SLC28A2: variants seen among roughly 807,000 people sequenced by gnomAD.
SLC28A2 encodes the protein solute carrier family 28 member 2.
A neutral mutation model predicts 72.9 loss-of-function variants in SLC28A2; 69 were observed. That is an observed-to-expected ratio of 0.95 (90% confidence interval 0.78 to 1.16). The LOEUF (loss-of-function observed/expected upper bound fraction) is 1.16. Ranked by LOEUF, SLC28A2 falls within the 50% of genes most tolerant of loss-of-function variation. The probability of loss-of-function intolerance (pLI) is 0.00; values close to 1 mark genes in which losing one functional copy is unlikely to be tolerated. For synonymous variants in SLC28A2, 296 were observed against 294.1 expected (o/e 1.01, Z -0.07); for missense variants, 745 against 791.1 (o/e 0.94, Z 0.70).
rs764966947 is a variant in SLC28A2 at position 45,269,442 on chromosome 15, T to C, written c.1473T>C (p.Asn491=). The C allele has an allele frequency of 2.6e-5, 42 of 1,614,142 alleles. No homozygotes were observed. In the East Asian group the frequency reaches 9.4e-4, roughly 36 times the overall value. Residue 491 remains asparagine, a synonymous_variant, in exon 14 of 18, where the codon AAT becomes AAC. Transcript: ENST00000347644. The part of the protein sequence containing the change: ...AEMVGIKFFI[N]EFVAYQQLSQ... ...TGGTGGGAATCAAGTTCTTCATAAATGAGTTTGTGGCTTATCAGCAACTGT... is the reference window on the plus strand; with the variant it reads ...TGGTGGGAATCAAGTTCTTCATAAACGAGTTTGTGGCTTATCAGCAACTGT...
intron 8 of SLC28A2, 58 bp from the exon 9 acceptor site, chr15:45,265,525 C>G: frequency 1.7e-6 from 2 of 1,211,926 alleles, no homozygotes; most frequent in South Asian, 1.2e-5. Flanking sequence ...AACTTAGAAG[C>G]CTAAAACACA....
rs1900176986 is a variant in SLC28A2 at position 45,262,017 on chromosome 15, G to A, written c.173G>A (p.Arg58Lys). The change falls in exon 4 of 18, where the codon AGG becomes AAG. Residue 58 changes from arginine (R) to lysine (K), a missense_variant and splice_region_variant. Coordinates refer to ENST00000347644, the MANE Select transcript of SLC28A2 (RefSeq NM_004212.4). ...DGLGPSTYQRRSRWPFSKARS... is the reference protein window; with the variant it reads ...DGLGPSTYQRKSRWPFSKARS... Reference sequence around the variant, plus strand: ...CTTAACTTTTGGGTTCTTATTAGGAGGAGTCGGTGGCCTTTCAGCAAAGCA... The same window carrying A: ...CTTAACTTTTGGGTTCTTATTAGGAAGAGTCGGTGGCCTTTCAGCAAAGCA... 3.7e-6 allele frequency: 6 copies of A among 1,608,610 alleles called. No homozygotes were observed. The highest frequency in any genetic ancestry group is 5.1e-6 in the Non-Finnish European group (6 of 1,175,170).
In SLC28A2 at chr15:45,272,404, C is replaced by T. The variant is rs926510230; in HGVS notation, c.1747+11C>T. 1 of 1,597,504 alleles carries T rather than the reference C, an allele frequency of 6.3e-7. No homozygotes were observed. The highest frequency in any genetic ancestry group is 8.6e-7 in the Non-Finnish European group (1 of 1,165,484). On this transcript the variant is annotated intron_variant, in intron 16 of 17. Transcript: ENST00000347644. ...GTGCCTGTATGGCAGGTAGGTGCCT[C>T]AGCTCTGATGGAGATACTGCTGCAT...
Position 45,264,775 on chromosome 15 carries a change from G to A in SLC28A2, c.702+7G>A, listed in dbSNP as rs769208049. On this transcript the variant is annotated splice_region_variant and intron_variant, in intron 7 of 17. Transcript: ENST00000347644. ...GCTGGGAGAGCAGGTCCAGGTATGA[G>A]AAATTAAATGCGAGGGCTTTTCTCT... is the stretch of plus-strand genomic sequence containing the variant. 6.5e-7 allele frequency: 1 copy of A among 1,535,460 alleles called. No homozygotes were observed. Among genetic ancestry groups the A allele is most frequent in the South Asian group, 1.1e-5 (1 of 89,364 alleles).
chr15:45,261,308 C>T (rs1595673992), intron 3 of SLC28A2, among the ~76,000 whole-genome samples: 1 of 151,246 alleles, frequency 6.6e-6, no homozygotes, highest in Non-Finnish European at 1.5e-5. Context: ...TGTGTTCGCT[C>T]CTTACAGCCT....
chr15:45,267,582 T>C lies in SLC28A2; in HGVS notation c.1068+2T>C, dbSNP rs779900798. 17 of 1,613,960 alleles carry C rather than the reference T, an allele frequency of 1.1e-5. No homozygotes were observed. Among genetic ancestry groups the C allele is most frequent in the Non-Finnish European group, 1.4e-5 (16 of 1,180,030 alleles). On this transcript the variant is annotated splice_donor_variant, in intron 11 of 17. Transcript: ENST00000347644. LOFTEE classifies it high-confidence loss of function. Reference sequence around the variant, plus strand: ...CTGGGAGCCTTCATAGCCTTTGGGGTAGGCATAGTCTGCTTGATCACTCCT... The same window carrying C: ...CTGGGAGCCTTCATAGCCTTTGGGGCAGGCATAGTCTGCTTGATCACTCCT...
intron 17 of SLC28A2, among the ~76,000 whole-genome samples, chr15:45,274,499 GCAAA>G (rs56258028): frequency 0.091 from 13,876 of 151,858 alleles, 719 homozygotes; most frequent in Middle Eastern, 0.24. Context: ...GTGACAGGGT[GCAAA>G]CAAACAAACA....
Position 45,269,390 on chromosome 15 carries a change from G to A in SLC28A2, c.1421G>A (p.Trp474Ter), listed in dbSNP as rs1900467901. 1 of 1,613,942 alleles carries A rather than the reference G, an allele frequency of 6.2e-7. No individual in the cohort carries two copies. Among genetic ancestry groups the A allele is most frequent in the Non-Finnish European group, 8.5e-7 (1 of 1,179,930 alleles). Residue 474 changes from tryptophan to a stop codon, truncating the protein, a stop_gained, in exon 14 of 18, where the codon TGG (tryptophan) becomes TAG (stop). Transcript: ENST00000347644. LOFTEE classifies it high-confidence loss of function. ...RPMVFMMGVE[W>*]TDCPMVAEMV... Reference sequence around the variant, plus strand: ...ATGGTTTTCATGATGGGTGTAGAGTGGACAGACTGTCCAATGGTGGCTGAG... The same window carrying A: ...ATGGTTTTCATGATGGGTGTAGAGTAGACAGACTGTCCAATGGTGGCTGAG...
rs373708530 is a variant in SLC28A2, at chr15:45,265,635, T to C, written c.833T>C (p.Leu278Pro). ...TGTGTGGTGTCCATTCTCTACTACC[T>C]GGGCCTTGTGCAATGGGTAGTTCAG... ...FGCVVSILYY[L>P]GLVQWVVQKV... The change falls in exon 9 of 18, where the codon CTG (leucine) becomes CCG (proline). Residue 278 changes from leucine to proline, a missense_variant. Physicochemically the swap from Leu to Pro is moderately conservative, Grantham distance 98. Transcript: ENST00000347644. 1.4e-5 allele frequency: 22 copies of C among 1,613,082 alleles called. No individual in the cohort carries two copies. In the African/African-American group the frequency reaches 1.9e-4, roughly 14 times the overall value.
chr15:45,263,738 T>C, intron 5 of SLC28A2, 143 bp from the exon 6 acceptor site: 1 of 724,942 alleles, frequency 1.4e-6, no homozygotes, highest in Non-Finnish European at 2.2e-6. Context: ...AACTGGCGTC[T>C]ACAGCAGCCA....
chr15:45,275,306 G>C, intron 17 of SLC28A2, 90 bp from the exon 18 acceptor site: 1 of 755,196 alleles, frequency 1.3e-6, no homozygotes, highest in Non-Finnish European at 2.2e-6. Flanking sequence ...TTTTGTTTTT[G>C]TTTTCAGCTG....
chr15:45,265,272 T>C (rs1007713203), intron 8 of SLC28A2, 106 bp downstream of exon 8: 8 of 807,448 alleles, frequency 9.9e-6, no homozygotes, highest in Admixed American at 7.3e-5. Flanking sequence ...GTATACCAAT[T>C]TGACCCTAAC....
At chr15:45,261,616 T>C (rs530408802) in intron 3 of SLC28A2, among the ~76,000 whole-genome samples, 1 of 152,314 alleles carries the variant, frequency 6.6e-6, no homozygotes, top group Admixed American at 6.5e-5. Context: ...TTCAAGGCCA[T>C]AGGTTTGTTT....
At position 45,267,499 on chromosome 15, in the gene SLC28A2, ACT is replaced by A. The variant is rs774461333; in HGVS notation, c.992_993del (p.Ser331Ter). The A allele has an allele frequency of 3.1e-6, 5 of 1,613,770 alleles. No individual in the cohort carries two copies. Among genetic ancestry groups the A allele is most frequent in the East Asian group, 2.2e-5 (1 of 44,872 alleles). On this transcript the variant is annotated frameshift_variant, in exon 11 of 18. Transcript: ENST00000347644. LOFTEE classifies it high-confidence loss of function. The part of the protein sequence containing the change: ...LIRPYLGDMT[L>X]SEIHAVMTGG... ...TCCGTCCCTACCTTGGGGACATGAC[ACT>A]CTCTGAAATCCATGCGGTGATGACT...
In SLC28A2 at chr15:45,272,317, G is replaced by A; in HGVS notation, c.1671G>A (p.Lys557=). ...CAGCATCAATAGTACCTCACCGGAA[G>A]AGTGACTTGTCCAAGGTTGTGGTCA... ...GGLTSIVPHR[K]SDLSKVVVRA... is the part of the protein sequence containing the mutation. The change falls in exon 16 of 18, where the codon AAG becomes AAA. Residue 557 remains lysine, a synonymous_variant. Transcript: ENST00000347644. 6.2e-7 allele frequency: 1 copy of A among 1,613,934 alleles called. No individual in the cohort carries two copies. The highest frequency in any genetic ancestry group is 8.5e-7 in the Non-Finnish European group (1 of 1,180,006).
At chr15:45,268,185 C>T in intron 12 of SLC28A2, 25 bp from the exon 13 acceptor site, 1 of 1,586,402 alleles carries the variant, frequency 6.3e-7, no homozygotes. Flanking sequence ...ACACCCTACT[C>T]TTGCCCTCTG....
In SLC28A2 at chr15:45,273,224, T is replaced by C. The variant is rs575280920; in HGVS notation, c.1859+440T>C. ...GATTGGAATACAGGTAGGTTATACGTAGACTTAGCAATGGTTATAAGTGGC... is the reference window on the plus strand; with the variant it reads ...GATTGGAATACAGGTAGGTTATACGCAGACTTAGCAATGGTTATAAGTGGC... On this transcript the variant is annotated intron_variant, in intron 17 of 17. Transcript: ENST00000347644. Among the ~76,000 whole-genome samples, 3 of 152,336 alleles carry C rather than the reference T, an allele frequency of 2.0e-5. No homozygotes were observed. In the South Asian group the frequency reaches 6.2e-4, roughly 32 times the overall value.
At position 45,258,240 on chromosome 15, in the gene SLC28A2, A is replaced by AT. The variant is rs888637813; in HGVS notation, c.171-3767dup. On this transcript the variant is annotated intron_variant, in intron 3 of 17. Transcript: ENST00000347644. ...CGTCTCAAAAATATATATACTATAT[A>AT]TTTTTTTTGTCAAATTTTATTTTAT... Among the ~76,000 whole-genome samples, 16 of 146,662 alleles carry AT rather than the reference A, an allele frequency of 1.1e-4. 1 individual carries two copies. In the South Asian group the frequency reaches 2.6e-3, roughly 24 times the overall value.
intron 9 of SLC28A2, 114 bp from the exon 10 acceptor site, chr15:45,265,967 C>G: frequency 1.2e-6 from 1 of 800,138 alleles, no homozygotes; most frequent in South Asian, 1.6e-5. Flanking sequence ...GCTTGCTGCT[C>G]TACTTCTCTA....
Sources: allele counts gnomAD v4.1 joint callset (sites outside exome capture counted in the v4.1 genomes callset), GRCh38; gene constraint gnomAD v4.1.1; transcripts MANE v1.5; gene names NCBI Gene and HGNC (gene_info 2026-07-23, HGNC 2026-07-21).